Variants in DPH6 observed in about 807,000 individuals in gnomAD.
DPH6 encodes the protein diphthine--ammonia ligase.
Under a neutral mutation model 38.2 loss-of-function variants are expected in DPH6, and 33 were observed. That is an observed-to-expected ratio of 0.86 (90% CI 0.65 to 1.15). DPH6 has a LOEUF of 1.15. DPH6 is among the 50% of genes most tolerant of loss of function. The pLI, the probability that DPH6 is intolerant of heterozygous loss-of-function variation, is 0.00. For synonymous variants in DPH6, 108 were observed against 103.0 expected (o/e 1.05, Z -0.30); for missense variants, 325 against 320.0 (o/e 1.02, Z -0.12).
chr15:35,514,500 T>A (rs1428478661), intron 3 of DPH6, among the ~76,000 whole-genome samples: 1 of 152,158 alleles, frequency 6.6e-6, no homozygotes, highest in Non-Finnish European at 1.5e-5. Context: ...GATGTCTCAC[T>A]TTCCAAAGCA....
intron 3 of DPH6, among the ~76,000 whole-genome samples, chr15:35,356,912 G>T (rs998643018): frequency 1.3e-5 from 2 of 152,194 alleles, no homozygotes; most frequent in Non-Finnish European, 2.9e-5. Flanking sequence ...AGGCCTCCTT[G>T]AGCTGCAGTG....
intron 3 of DPH6, among the ~76,000 whole-genome samples, chr15:35,227,174 C>CTTTTTTTTT (rs71415001): frequency 3.9e-5 from 3 of 77,036 alleles, no homozygotes; most frequent in East Asian, 5.1e-4. Flanking sequence ...ATAACATCTT[C>CTTTTTTTTT]TTTTTTTTTT....
At chr15:35,422,643 C>T (rs1411145930) in intron 5 of DPH6, among the ~76,000 whole-genome samples, 1 of 151,866 alleles carries the variant, frequency 6.6e-6, no homozygotes, top group African/African-American at 2.4e-5. Context: ...ACTATAGACA[C>T]ACTGTTGTAC....
intron 3 of DPH6, among the ~76,000 whole-genome samples, chr15:35,522,590 CA>C (rs2054937913): frequency 1.3e-5 from 2 of 152,038 alleles, no homozygotes; most frequent in Admixed American, 1.3e-4. Context: ...CATGAACCTT[CA>C]AAAAGGACCT....
rs527532530 is a variant in DPH6, at chr15:35,242,871, T to C, written n.201-22289A>G. ...TATCTTCTGTCTAGTCATACTCCTA[T>C]TCACCGTTCTCAACTACTCATACAT... On this transcript the variant is annotated intron_variant and non_coding_transcript_variant, in intron 3 of 3. Transcript: ENST00000560386. 2.8e-5 allele frequency among the ~76,000 whole-genome samples: 4 copies of C among 142,462 alleles called. No homozygotes were observed. In the East Asian group the frequency reaches 8.8e-4, roughly 31 times the overall value. 93.5% of individuals were successfully genotyped at this position (142,462 alleles called of 152,430 possible). A position where few individuals can be genotyped will look rare whatever the true frequency, so the allele number is the denominator to read the frequency against.
At chr15:35,146,643 T>C in the DPH6 span, among the ~76,000 whole-genome samples, 15 of 152,322 alleles carry the variant, frequency 9.8e-5, no homozygotes, top group South Asian at 3.1e-3. Context: ...AATAATCATG[T>C]TGATCTGCCG....
the DPH6 span, among the ~76,000 whole-genome samples, chr15:35,191,676 A>G: frequency 6.6e-6 from 1 of 152,194 alleles, no homozygotes; most frequent in East Asian, 1.9e-4. Flanking sequence ...TAGACATAGA[A>G]GTTGACTCTC....
chr15:35,191,342 C>T, the DPH6 span, among the ~76,000 whole-genome samples: 34 of 152,238 alleles, frequency 2.2e-4, no homozygotes, highest in African/African-American at 6.0e-4. Flanking sequence ...GTAGCATCTT[C>T]GGAAAGAAGA....
chr15:35,496,567 A>AAAAAAAAAAAAAAATATATAT, intron 3 of DPH6, among the ~76,000 whole-genome samples: 2 of 31,014 alleles, frequency 6.4e-5, no homozygotes, highest in East Asian at 3.0e-3. Context: ...AAAAAAAAAA[A>AAAAAAAAAAAAAAATATATAT]ATATATATAT....
In DPH6 at chr15:35,496,567, A is replaced by AATATATATATATATATATATATATATAT. The variant is rs1165939476; in HGVS notation, c.312+41706_312+41707insATATATATATATATATATATATATATAT. ...GAAAGTTCCATCTCAAAAAAAAAAAAATATATATATATATATATATATATC... is the reference window on the plus strand; with the variant it reads ...GAAAGTTCCATCTCAAAAAAAAAAAAATATATATATATATATATATATATATATATATATATATATATATATATATATC... On this transcript the variant is annotated intron_variant, in intron 3 of 8. Coordinates refer to ENST00000256538, the MANE Select transcript of DPH6 (RefSeq NM_080650.4). Among the ~76,000 whole-genome samples, 70 of 30,980 alleles carry AATATATATATATATATATATATATATAT rather than the reference A, an allele frequency of 2.3e-3. 3 individuals carry two copies. Among genetic ancestry groups the AATATATATATATATATATATATATATAT allele is most frequent in the Non-Finnish European group, 3.2e-3 (60 of 19,014 alleles). The allele number at this position is 30,980 out of a possible 152,430, so 20.3% of individuals were successfully genotyped here. A position where few individuals can be genotyped will look rare whatever the true frequency, so the allele number is the denominator to read the frequency against.
intron 3 of DPH6, among the ~76,000 whole-genome samples, chr15:35,287,418 A>G (rs1429987669): frequency 6.6e-6 from 1 of 152,210 alleles, no homozygotes; most frequent in East Asian, 1.9e-4. Context: ...TTCATGTTAC[A>G]GAACTCAATA....
At chr15:35,494,747 C>G (rs1445234445) in intron 3 of DPH6, among the ~76,000 whole-genome samples, 2 of 151,784 alleles carry the variant, frequency 1.3e-5, no homozygotes, top group African/African-American at 4.8e-5. Context: ...CCATGGTTAA[C>G]ACTTAAACTG....
Position 35,381,926 on chromosome 15 carries a change from G to A in DPH6, c.568-10C>T. 1 of 1,595,048 alleles carries A rather than the reference G, an allele frequency of 6.3e-7. No homozygotes were observed. On this transcript the variant is annotated splice_polypyrimidine_tract_variant and intron_variant, in intron 6 of 8. Transcript: ENST00000256538. ...CATACTTCTTAGAAAGCTGAAAATA[G>A]GAAAACACAAAAAACAAGAAAGAAG...
chr15:35,171,885 C>T, the DPH6 span, among the ~76,000 whole-genome samples: 3 of 151,048 alleles, frequency 2.0e-5, no homozygotes, highest in East Asian at 3.9e-4. Flanking sequence ...TTTATTTTTT[C>T]GAGAGGGAGT....
the DPH6 span, among the ~76,000 whole-genome samples, chr15:35,175,461 C>A: frequency 6.6e-6 from 1 of 152,314 alleles, no homozygotes; most frequent in Non-Finnish European, 1.5e-5. Context: ...GAGAGTGGAA[C>A]CTAATTCCAT....
rs527248460 is a variant in DPH6 at position 35,536,112 on chromosome 15, CAAGTA to C, written c.312+2157_312+2161del. ...ATGCAGTTCTTTCTTTTTCTTAGAA[CAAGTA>C]AAGACAAACTTGAAAAATTATAGCT... On this transcript the variant is annotated intron_variant, in intron 3 of 8. Transcript: ENST00000256538. Among the ~76,000 whole-genome samples, 308 of 151,832 alleles carry C rather than the reference CAAGTA, an allele frequency of 2.0e-3. 4 individuals carry two copies. Among genetic ancestry groups the C allele is most frequent in the African/African-American group, 7.1e-3 (296 of 41,504 alleles).
At chr15:35,368,306 A>T (rs1217512290), downstream of DPH6, among the ~76,000 whole-genome samples, 1 of 151,886 alleles carries the variant, frequency 6.6e-6, no homozygotes, top group African/African-American at 2.4e-5. Flanking sequence ...GGGAGTGGCC[A>T]TTGGTTCAGT....
At chr15:35,468,739 C>T (rs11638250) in intron 3 of DPH6, among the ~76,000 whole-genome samples, 78,297 of 151,790 alleles carry the variant, frequency 0.52, 21,019 homozygotes, top group East Asian at 0.95. Context: ...TTAAGGGTGG[C>T]GAAAAGGGGA....
intron 3 of DPH6, among the ~76,000 whole-genome samples, chr15:35,238,698 T>C (rs2140398934): frequency 6.6e-6 from 1 of 152,270 alleles, no homozygotes; most frequent in African/African-American, 2.4e-5. Flanking sequence ...CCAGATGGCC[T>C]GAAGTAACTG....
Sources: gnomAD v4.1 joint callset for allele counts (sites outside exome capture counted in the v4.1 genomes callset) on GRCh38, gnomAD v4.1.1 for gene constraint, MANE v1.5 for transcripts, NCBI Gene and HGNC (gene_info 2026-07-23, HGNC 2026-07-21) for gene names.